Variants in SYCP1 observed in about 807,000 individuals in gnomAD.
The protein encoded by SYCP1 is cancer/testis antigen 8.
Under a neutral mutation model 153.1 loss-of-function variants are expected in SYCP1, and 64 were observed. The observed-to-expected ratio is 0.42, with a 90% CI of 0.34 to 0.51. The LOEUF (loss-of-function observed/expected upper bound fraction) is 0.51. SYCP1 is among the 20% of genes least tolerant of loss of function. SYCP1 has a pLI of 0.06. For missense variants in SYCP1, 997 were observed against 1,049.0 expected (o/e 0.95, Z 0.68); for synonymous variants, 384 against 341.8 (o/e 1.12, Z -1.36).
rs77821787 is a variant in SYCP1 at position 114,991,787 on chromosome 1, C to T, written c.2704-2911C>T. On this transcript the variant is annotated intron_variant, in intron 30 of 31. Coordinates refer to ENST00000369522, the MANE Select transcript of SYCP1 (RefSeq NM_003176.4). ...TTCACTGCTGCTATTCAACATTGTA[C>T]TGTAAATTCTAACTAGAGATACTAT... is the stretch of plus-strand genomic sequence containing the variant. 3.7e-3 allele frequency among the ~76,000 whole-genome samples: 562 copies of T among 151,806 alleles called. 5 individuals are homozygous for T. Among genetic ancestry groups the T allele is most frequent in the African/African-American group, 0.013 (534 of 41,478 alleles).
At chr1:114,884,336 C>T (rs72694089) in intron 12 of SYCP1, among the ~76,000 whole-genome samples, 7 of 152,254 alleles carry the variant, frequency 4.6e-5, no homozygotes, top group Admixed American at 1.3e-4. Flanking sequence ...TACACTTGCC[C>T]GTGACCTTTT....
At chr1:114,964,058 T>C (rs1046383400) in intron 27 of SYCP1, among the ~76,000 whole-genome samples, 28 of 152,230 alleles carry the variant, frequency 1.8e-4, no homozygotes, top group African/African-American at 6.5e-4. Flanking sequence ...TTTTTAATGA[T>C]TGCCATTCTA....
chr1:114,937,173 C>A (rs987650026), intron 23 of SYCP1, among the ~76,000 whole-genome samples: 1 of 152,188 alleles, frequency 6.6e-6, no homozygotes, highest in African/African-American at 2.4e-5. Context: ...ACCAAAACAG[C>A]ATGGTACTTG....
Position 114,926,503 on chromosome 1 carries a change from T to A in SYCP1, c.1866T>A (p.Asn622Lys). The A allele has an allele frequency of 6.3e-7, 1 of 1,585,720 alleles. No individual in the cohort carries two copies. The highest frequency in any genetic ancestry group is 8.6e-7 in the Non-Finnish European group (1 of 1,166,116). The part of the protein sequence containing the change: ...NKYIEELQQE[N>K]KALKKKGTAE... The stretch of plus-strand genomic sequence containing the variant: ...ATAATTATTTTTAATTTTAACAGAA[T>A]AAGGCCTTGAAAAAAAAAGGTACAG... The change falls in exon 23 of 32, where the codon AAT (asparagine) becomes AAA (lysine). Residue 622 changes from asparagine (N) to lysine (K), a missense_variant and splice_region_variant. Physicochemically the swap from Asn to Lys is moderately conservative, Grantham distance 94. This residue lies in a region of SYCP1 where 712 missense variants were observed against 682.9 expected (regional missense o/e 1.04). Coordinates refer to ENST00000369522, the MANE Select transcript of SYCP1 (RefSeq NM_003176.4).
At position 114,939,854 on chromosome 1, in the gene SYCP1, A is replaced by C. The variant is rs188941749; in HGVS notation, c.1927-4485A>C. Reference sequence around the variant, plus strand: ...GAGTTCTGTTTATGCAAAGGCTTTTAATTTCTGAAGCAATTTAATCATAGT... The same window carrying C: ...GAGTTCTGTTTATGCAAAGGCTTTTCATTTCTGAAGCAATTTAATCATAGT... On this transcript the variant is annotated intron_variant, in intron 23 of 31. Transcript: ENST00000369522. Among the ~76,000 whole-genome samples, 1,032 of 152,318 alleles carry C rather than the reference A, an allele frequency of 6.8e-3. 6 individuals carry two copies. The highest frequency in any genetic ancestry group is 0.01 in the Non-Finnish European group (684 of 68,026).
At chr1:114,956,820 A>G (rs1345860653) in intron 27 of SYCP1, among the ~76,000 whole-genome samples, 2 of 152,190 alleles carry the variant, frequency 1.3e-5, no homozygotes, top group Non-Finnish European at 2.9e-5. Flanking sequence ...GAAACACAAC[A>G]ACCAGACTTC....
intron 27 of SYCP1, among the ~76,000 whole-genome samples, chr1:114,947,999 C>T (rs887331694): frequency 6.6e-6 from 1 of 151,518 alleles, no homozygotes; most frequent in African/African-American, 2.4e-5. Flanking sequence ...TGTTGGTGTG[C>T]TGCACCCATT....
intron 15 of SYCP1, among the ~76,000 whole-genome samples, chr1:114,892,689 C>T (rs1666799464): frequency 6.6e-6 from 1 of 152,046 alleles, no homozygotes; most frequent in South Asian, 2.1e-4. Context: ...GGAGCCTTTT[C>T]CTGGCGCACG....
chr1:114,870,124 T>C (rs1665020418), intron 8 of SYCP1, among the ~76,000 whole-genome samples: 2 of 152,116 alleles, frequency 1.3e-5, no homozygotes, highest in Non-Finnish European at 1.5e-5. Context: ...AGCGATCTTC[T>C]TACCTCAGCC....
chr1:114,858,558 A>C lies in SYCP1; in HGVS notation c.303A>C (p.Gly101=), dbSNP rs1664167127. The C allele has an allele frequency of 6.3e-7, 1 of 1,590,606 alleles. No homozygotes were observed. The highest frequency in any genetic ancestry group is 1.4e-5 in the African/African-American group (1 of 73,758). Residue 101 remains glycine, a synonymous_variant, in exon 6 of 32, where the codon GGA becomes GGC. Coordinates refer to ENST00000369522, the MANE Select transcript of SYCP1 (RefSeq NM_003176.4). The part of the protein sequence containing the change: ...LKDSDLENSE[G]LSRVYSKLYK... ...ACATATTTTAATAGAATTCAGAGGG[A>C]TTGAGCAGAGTGTATTCAAAACTGT... is the stretch of plus-strand genomic sequence containing the variant.
intron 23 of SYCP1, among the ~76,000 whole-genome samples, chr1:114,935,363 A>G (rs1669926125): frequency 6.6e-6 from 1 of 152,270 alleles, no homozygotes; most frequent in African/African-American, 2.4e-5. Flanking sequence ...ACCAATGAGA[A>G]GAAAGACACA....
intron 30 of SYCP1, among the ~76,000 whole-genome samples, chr1:114,990,230 A>G (rs1007383147): frequency 1.3e-5 from 2 of 151,908 alleles, no homozygotes; most frequent in African/African-American, 4.8e-5. Context: ...TAAACAACAC[A>G]CTCTTAGCCA....
rs1218224192 is a variant in SYCP1 at position 114,995,153 on chromosome 1, C to T, written c.*134C>T. ...ATACTTGCATGAATGATTTGTGTTT[C>T]TTTATATTTTTAGCCTAAATGTTAA... On this transcript the variant is annotated 3_prime_UTR_variant, in exon 32 of 32. Coordinates refer to ENST00000369522, the MANE Select transcript of SYCP1 (RefSeq NM_003176.4). 2 of 899,560 alleles carry T rather than the reference C, an allele frequency of 2.2e-6. No homozygotes were observed. Among genetic ancestry groups the T allele is most frequent in the East Asian group, 5.6e-5 (2 of 36,036 alleles). 55.7% of individuals were successfully genotyped at this position (899,560 alleles called of 1,614,324 possible). A position where few individuals can be genotyped will look rare whatever the true frequency, so the allele number is the denominator to read the frequency against.
chr1:114,902,816 T>C (rs989667483), intron 16 of SYCP1, among the ~76,000 whole-genome samples: 4 of 152,208 alleles, frequency 2.6e-5, no homozygotes, highest in Middle Eastern at 3.4e-3. Flanking sequence ...GAAAAAATAA[T>C]TGTACATATT....
chr1:114,856,610 C>G lies in SYCP1; in HGVS notation c.146C>G (p.Pro49Arg), dbSNP rs199712061. 1.3e-4 allele frequency: 202 copies of G among 1,611,322 alleles called. No homozygotes were observed. The highest frequency in any genetic ancestry group is 1.6e-4 in the Non-Finnish European group (192 of 1,179,094). Residue 49 changes from proline to arginine, a missense_variant, in exon 3 of 32, where the codon CCA becomes CGA. This residue lies in a region of SYCP1 where 285 missense variants were observed against 366.1 expected (regional missense o/e 0.78). Transcript: ENST00000369522. ...TGTACTGAAGATGATTTTGAGTTTC[C>G]ATTTGCAAAGACTAATCTCTCCAAA... ...NKCTEDDFEFPFAKTNLSKNG... is the reference protein window; with the variant it reads ...NKCTEDDFEFRFAKTNLSKNG...
At chr1:114,962,169 G>A (rs1318470184) in intron 27 of SYCP1, among the ~76,000 whole-genome samples, 3 of 151,878 alleles carry the variant, frequency 2.0e-5, no homozygotes, top group Non-Finnish European at 4.4e-5. Flanking sequence ...TTTTTTAGTA[G>A]AGACAGGGTT....
chr1:114,869,716 T>G (rs1431717444), intron 8 of SYCP1, among the ~76,000 whole-genome samples: 1 of 152,162 alleles, frequency 6.6e-6, no homozygotes, highest in Non-Finnish European at 1.5e-5. Context: ...GTAAACACAA[T>G]GCAAATATTC....
At chr1:114,884,802 G>A (rs1158127436) in intron 12 of SYCP1, among the ~76,000 whole-genome samples, 1 of 152,100 alleles carries the variant, frequency 6.6e-6, no homozygotes, top group Non-Finnish European at 1.5e-5. Context: ...TATCATGCCC[G>A]AGGCCAGGTA....
intron 16 of SYCP1, among the ~76,000 whole-genome samples, chr1:114,901,657 G>C (rs1285423558): frequency 1.3e-5 from 2 of 152,216 alleles, no homozygotes; most frequent in Non-Finnish European, 2.9e-5. Context: ...ATGGAGGCCT[G>C]CAGCAAAATT....
Sources: gnomAD v4.1 joint callset for allele counts (sites outside exome capture counted in the v4.1 genomes callset) on GRCh38, gnomAD v4.1.1 for gene constraint, gnomAD v4.1.1 regional missense constraint, MANE v1.5 for transcripts, NCBI Gene and HGNC (gene_info 2026-07-23, HGNC 2026-07-21) for gene names.